GRIN2B: variants seen among roughly 807,000 people sequenced by gnomAD.
GRIN2B encodes the protein glutamate receptor ionotropic, NMDA 2B.
GRIN2B carries 5 observed loss-of-function variants against 114.5 expected under a neutral mutation model. That is an observed-to-expected ratio of 0.04 (90% confidence interval 0.02 to 0.09). The LOEUF is 0.09. Ranked by LOEUF, GRIN2B falls within the 10% of genes least tolerant of loss-of-function variation. GRIN2B has a pLI of 1.00. For synonymous variants in GRIN2B, 787 were observed against 745.1 expected (o/e 1.06, Z -0.92); for missense variants, 1,108 against 1,943.5 (o/e 0.57, Z 8.08).
intron 10 of GRIN2B, among the ~76,000 whole-genome samples, chr12:13,602,068 C>T (rs568531461): frequency 5.9e-4 from 90 of 152,264 alleles, no homozygotes; most frequent in Non-Finnish European, 8.4e-4. Context: ...GGAGGCTCAG[C>T]GCTTGGGACA....
chr12:13,753,367 A>G lies in GRIN2B; in HGVS notation c.960T>C (p.Ser320=). 1 of 1,613,768 alleles carries G rather than the reference A, an allele frequency of 6.2e-7. No homozygotes were observed. ...EHSFIPEPKS[S]CYNTHEKRIY... ...TTCTCTTCTCGTGGGTGTTGTAACA[A>G]CTGCTTTTGGGCTCAGGGATGAAGC... The change falls in exon 4 of 14, where the codon AGT becomes AGC. Residue 320 remains serine (S), a synonymous_variant. Transcript: ENST00000609686. The surrounding 1 kb of genome is among the most constrained non-coding windows in gnomAD (Gnocchi z 6.2).
At chr12:13,782,575 CTTGTT>C (rs1864138327) in intron 3 of GRIN2B, among the ~76,000 whole-genome samples, 1 of 152,174 alleles carries the variant, frequency 6.6e-6, no homozygotes, top group African/African-American at 2.4e-5. Flanking sequence ...TCTCTCAGCT[CTTGTT>C]TTAAGATCAA....
At chr12:13,736,881 C>A (rs1445676113) in intron 4 of GRIN2B, among the ~76,000 whole-genome samples, 2 of 151,596 alleles carry the variant, frequency 1.3e-5, no homozygotes, top group Non-Finnish European at 2.9e-5. Flanking sequence ...ATTAGCCGGG[C>A]GTGGTGGTGC....
At chr12:13,724,948 G>T (rs1862953329) in intron 4 of GRIN2B, among the ~76,000 whole-genome samples, 1 of 152,054 alleles carries the variant, frequency 6.6e-6, no homozygotes, top group South Asian at 2.1e-4. Flanking sequence ...GACATAGCAG[G>T]TCCCCAGCAG....
chr12:13,978,335 G>A (rs927966914), intron 2 of GRIN2B, among the ~76,000 whole-genome samples: 2 of 152,298 alleles, frequency 1.3e-5, no homozygotes, highest in Admixed American at 1.3e-4. Context: ...ATTTGTAGAC[G>A]TGGTGAGAAC....
intron 3 of GRIN2B, among the ~76,000 whole-genome samples, chr12:13,822,592 C>T (rs1413119508): frequency 6.6e-6 from 1 of 151,948 alleles, no homozygotes; most frequent in Admixed American, 6.6e-5. Context: ...TTCTACATGC[C>T]AAGCACTTTA....
intron 5 of GRIN2B, among the ~76,000 whole-genome samples, chr12:13,673,640 G>A (rs1435236394): frequency 6.6e-6 from 1 of 152,130 alleles, no homozygotes; most frequent in African/African-American, 2.4e-5. Flanking sequence ...TAGAATTGGT[G>A]AGGGAAGGGA....
chr12:13,741,461 C>T (rs561544704), intron 4 of GRIN2B, among the ~76,000 whole-genome samples: 2 of 152,328 alleles, frequency 1.3e-5, no homozygotes, highest in Admixed American at 6.5e-5. Flanking sequence ...GGGCAAAGTA[C>T]GCCTGGAATT....
At chr12:13,581,490 GAGAA>G (rs386760557) in intron 10 of GRIN2B, among the ~76,000 whole-genome samples, 4 of 151,888 alleles carry the variant, frequency 2.6e-5, no homozygotes, top group African/African-American at 9.7e-5. Flanking sequence ...GGCCCAGTGG[GAGAA>G]GAAGAAGGTC....
At chr12:13,825,802 C>G (rs1865025431) in intron 3 of GRIN2B, among the ~76,000 whole-genome samples, 1 of 152,006 alleles carries the variant, frequency 6.6e-6, no homozygotes, top group African/African-American at 2.4e-5. Context: ...CAGGCATGAG[C>G]CACCGCACCC....
intron 3 of GRIN2B, among the ~76,000 whole-genome samples, chr12:13,807,934 T>G (rs1864640415): frequency 6.6e-6 from 1 of 152,072 alleles, no homozygotes; most frequent in Admixed American, 6.6e-5. Context: ...AGATAATCCA[T>G]AATCTGTTAT....
At chr12:13,750,287 C>G (rs1000442052) in intron 4 of GRIN2B, among the ~76,000 whole-genome samples, 1 of 152,192 alleles carries the variant, frequency 6.6e-6, no homozygotes, top group African/African-American at 2.4e-5. Flanking sequence ...CACACGGGAG[C>G]ATCTCAGGCC....
In GRIN2B at chr12:13,611,285, C is replaced by T. The variant is rs149044098; in HGVS notation, c.1780+440G>A. On this transcript the variant is annotated intron_variant, in intron 9 of 13. Coordinates refer to ENST00000609686, the MANE Select transcript of GRIN2B (RefSeq NM_000834.5). ...TGGTACCTCAGTTGTGATCCTTTGG[C>T]ACTGGGGAACTCAACCAGCCACAAC... is the stretch of plus-strand genomic sequence containing the variant. Among the ~76,000 whole-genome samples, 3 of 152,274 alleles carry T rather than the reference C, an allele frequency of 2.0e-5. No individual in the cohort carries two copies. In the East Asian group the frequency reaches 5.8e-4, roughly 29 times the overall value.
rs1399700696 is a variant in GRIN2B at position 13,655,520 on chromosome 12, G to A, written c.1125+20225C>T. On this transcript the variant is annotated intron_variant, in intron 5 of 13. Coordinates refer to ENST00000609686, the MANE Select transcript of GRIN2B (RefSeq NM_000834.5). ...ACTGCATCCTCAATAGAATGAGAAT[G>A]GGACCAGACCTTTCTCTGTGTTACA... Among the ~76,000 whole-genome samples, 7 of 152,176 alleles carry A rather than the reference G, an allele frequency of 4.6e-5. No individual in the cohort carries two copies. The East Asian group carries it at 1.4e-3, about 29-fold the overall frequency.
intron 2 of GRIN2B, among the ~76,000 whole-genome samples, chr12:13,928,323 T>G (rs55646032): frequency 0.17 from 24,915 of 147,534 alleles, 2,799 homozygotes; most frequent in Middle Eastern, 0.25. Context: ...AAAAAAGAAA[T>G]AATGAATTTG....
intron 4 of GRIN2B, among the ~76,000 whole-genome samples, chr12:13,678,973 GAAGGAAAAAGGAAGAA>G (rs1950103208): frequency 6.7e-6 from 1 of 148,890 alleles, no homozygotes; most frequent in Admixed American, 6.7e-5. Flanking sequence ...AGGAAGGAAA[GAAGGAAAAAGGAAGAA>G]AAGGAAAGAG....
At position 13,828,118 on chromosome 12, in the gene GRIN2B, G is replaced by A. The variant is rs528530727; in HGVS notation, c.411+37680C>T. On this transcript the variant is annotated intron_variant, in intron 3 of 13. Coordinates refer to ENST00000609686, the MANE Select transcript of GRIN2B (RefSeq NM_000834.5). Reference sequence around the variant, plus strand: ...TGTATGTGCATGTGCACATATTCATGTGTGTAATAATTTTTGAAGCTCCTG... The same window carrying A: ...TGTATGTGCATGTGCACATATTCATATGTGTAATAATTTTTGAAGCTCCTG... Among the ~76,000 whole-genome samples, 14 of 152,302 alleles carry A rather than the reference G, an allele frequency of 9.2e-5. 1 individual carries two copies. The highest frequency in any genetic ancestry group is 2.2e-4 in the African/African-American group (9 of 41,564).
rs540634007 is a variant in GRIN2B at position 13,547,769 on chromosome 12, C to G, written c.*15014G>C. 2.0e-4 allele frequency: 31 copies of G among 151,842 alleles called. No homozygotes were observed. The highest frequency in any genetic ancestry group is 1.2e-3 in the Admixed American group (18 of 15,260). The allele number at this position is 151,842 out of a possible 1,614,324, so 9.4% of individuals were successfully genotyped here. ...GTAAATCTCAAAAATACTCCAACTT[C>G]CCTGATTCTTTTGGAAGTTATTGGG... On this transcript the variant is annotated 3_prime_UTR_variant, in exon 14 of 14. Coordinates refer to ENST00000609686, the MANE Select transcript of GRIN2B (RefSeq NM_000834.5).
chr12:13,903,861 A>C (rs1334375665), intron 2 of GRIN2B, among the ~76,000 whole-genome samples: 2 of 152,036 alleles, frequency 1.3e-5, no homozygotes, highest in African/African-American at 4.8e-5. Flanking sequence ...TTGATATTAT[A>C]TACTTTGAGA....
Sources: gnomAD v4.1 joint callset for allele counts (sites outside exome capture counted in the v4.1 genomes callset) on GRCh38, gnomAD v4.1.1 for gene constraint, Gnocchi (gnomAD v3.1) non-coding constraint, MANE v1.5 for transcripts, NCBI Gene and HGNC (gene_info 2026-07-23, HGNC 2026-07-21) for gene names.